The following DIDO1 variants were observed in gnomAD, a reference collection of about 807,000 sequenced individuals.
DIDO1 encodes the protein death-inducer obliterator 1.
A neutral mutation model predicts 99.4 loss-of-function variants in DIDO1; 16 were observed. The observed-to-expected ratio is 0.16, with a 90% CI of 0.11 to 0.24. The LOEUF (loss-of-function observed/expected upper bound fraction) is 0.24, where lower values mean the gene tolerates loss of function less well. Ranked by LOEUF, DIDO1 falls within the 10% of genes least tolerant of loss-of-function variation. The pLI, the probability that DIDO1 is intolerant of heterozygous loss-of-function variation, is 1.00. For synonymous variants in DIDO1, 1,366 were observed against 1,239.1 expected, an observed-to-expected ratio of 1.10 and a Z score of -2.15; for missense variants, 2,996 against 3,014.0, an observed-to-expected ratio of 0.99 and a Z score of 0.14.
At chr20:62,900,916 C>T (rs560936097) in intron 6 of DIDO1, among the ~76,000 whole-genome samples, 45 of 152,326 alleles carry the variant, frequency 3.0e-4, no homozygotes, top group Non-Finnish European at 4.9e-4. Flanking sequence ...TTCACTGTGA[C>T]GTCAGGCCTA....
upstream of DIDO1, chr20:62,928,663 G>T (rs2065292030): frequency 6.6e-6 from 1 of 152,188 alleles, no homozygotes; most frequent in African/African-American, 2.4e-5. Context: ...AAAACCCAAA[G>T]GAGGAAACAA....
At chr20:62,900,548 G>A (rs182684660) in intron 6 of DIDO1, among the ~76,000 whole-genome samples, 4 of 152,228 alleles carry the variant, frequency 2.6e-5, no homozygotes, top group Non-Finnish European at 5.9e-5. Context: ...AGTTTTAGCA[G>A]GACAGGGATT....
chr20:62,883,217 C>A (rs941074254), intron 15 of DIDO1, among the ~76,000 whole-genome samples: 3 of 151,946 alleles, frequency 2.0e-5, no homozygotes, highest in Admixed American at 2.0e-4. Flanking sequence ...AGCCACCGCA[C>A]CCGGACCCCT....
Position 62,894,073 on chromosome 20 carries a change from T to C in DIDO1, c.2694A>G (p.Ser898=). The stretch of plus-strand genomic sequence containing the variant: ...CAGCCTCCGGCATCACCTCATCAGC[T>C]GAATCCGGAGCTGGGTCAGGTGCAG... ...DSSAPDPAPD[S]ADEVMPEAVP... Residue 898 remains serine (S), a synonymous_variant, in exon 12 of 16, where the codon TCA becomes TCG. Transcript: ENST00000395343. The surrounding 1 kb of genome is among the most constrained non-coding windows in gnomAD (Gnocchi z 4.4). The C allele has an allele frequency of 6.2e-7, 1 of 1,614,258 alleles. No homozygotes were observed.
At chr20:62,907,044 CT>C (rs2064822472) in intron 5 of DIDO1, 102 bp downstream of exon 5, 2 of 1,232,622 alleles carry the variant, frequency 1.6e-6, no homozygotes, top group Admixed American at 3.5e-5. Flanking sequence ...GTGCGCCCCC[CT>C]ACACCTGCCA....
Position 62,893,964 on chromosome 20 carries a change from C to A in DIDO1, c.2803G>T (p.Asp935Tyr). 2 of 1,612,854 alleles carry A rather than the reference C, an allele frequency of 1.2e-6. No individual in the cohort carries two copies. The highest frequency in any genetic ancestry group is 1.7e-6 in the Non-Finnish European group (2 of 1,178,970). ...DRTYFPGPPGDGHPEPSPLED... is the reference protein window; with the variant it reads ...DRTYFPGPPGYGHPEPSPLED... Reference sequence around the variant, plus strand: ...AGCGGGGAGGGCTCGGGATGGCCATCTCCTGGAGGCCCAGGGAAATACGTT... The same window carrying A: ...AGCGGGGAGGGCTCGGGATGGCCATATCCTGGAGGCCCAGGGAAATACGTT... The change falls in exon 12 of 16, where the codon GAT becomes TAT. Residue 935 changes from aspartate (D) to tyrosine (Y), a missense_variant. Coordinates refer to ENST00000395343, the MANE Select transcript of DIDO1 (RefSeq NM_001193369.2).
intron 15 of DIDO1, among the ~76,000 whole-genome samples, chr20:62,885,990 C>G (rs576982619): frequency 2.0e-5 from 3 of 152,346 alleles, no homozygotes; most frequent in East Asian, 3.9e-4. Flanking sequence ...CCCCTCCCCT[C>G]GGCAGCTGCC....
rs761670124 is a variant in DIDO1 at position 62,880,795 on chromosome 20, CCT to C, written c.5159_5160del (p.Glu1720GlyfsTer69). On this transcript the variant is annotated frameshift_variant, in exon 16 of 16. Coordinates refer to ENST00000395343, the MANE Select transcript of DIDO1 (RefSeq NM_001193369.2). LOFTEE classifies it low-confidence loss of function (END_TRUNC). ...GGTCTGGCCTGTGGCTCTCTGTCCC[CCT>C]CTGTTTCACCTGCAGGGCTGCTGCT... ...GRSSSPAGETEGDREPQARPG... is the reference protein window; with the variant it reads ...GRSSSPAGETXGDREPQARPG... The C allele has an allele frequency of 7.4e-6, 12 of 1,612,672 alleles. No homozygotes were observed. The highest frequency in any genetic ancestry group is 1.7e-5 in the Admixed American group (1 of 60,008).
chr20:62,886,169 G>T (rs532453949), intron 15 of DIDO1, among the ~76,000 whole-genome samples: 3 of 152,220 alleles, frequency 2.0e-5, no homozygotes, highest in African/African-American at 7.2e-5. Context: ...AGCAACCAGG[G>T]GCCGGGGCTC....
At chr20:62,910,710 G>C (rs2064913035) in intron 3 of DIDO1, 64 bp downstream of exon 3, 1 of 1,539,676 alleles carries the variant, frequency 6.5e-7, no homozygotes, top group Non-Finnish European at 8.8e-7. Context: ...CCTTTAAAAT[G>C]AAAACAAATG....
Position 62,908,714 on chromosome 20 carries a change from T to C in DIDO1, c.1161+985A>G, listed in dbSNP as rs1263656841. On this transcript the variant is annotated intron_variant, in intron 4 of 15. Transcript: ENST00000395343. ...GCACAATGACAATTAAAAAAAGATG[T>C]TGGGCGTGGTGGTGTGTGCTTGTAG... 2.0e-5 allele frequency among the ~76,000 whole-genome samples: 3 copies of C among 152,024 alleles called. No individual in the cohort carries two copies. In the South Asian group the frequency reaches 6.2e-4, roughly 32 times the overall value.
Position 62,881,997 on chromosome 20 carries a change from G to C in DIDO1, c.3959C>G (p.Thr1320Ser). 5 of 1,613,554 alleles carry C rather than the reference G, an allele frequency of 3.1e-6. No individual in the cohort carries two copies. Among genetic ancestry groups the C allele is most frequent in the Non-Finnish European group, 4.2e-6 (5 of 1,180,038 alleles). ...GAATGATTTCTTCTTTCCAAAGAGA[G>C]TCTGCAGGATGTGCTCCAGCGGTGA... ...TASPLEHILQTLFGKKKSFDP... is the reference protein window; with the variant it reads ...TASPLEHILQSLFGKKKSFDP... Residue 1320 changes from threonine to serine, a missense_variant, in exon 16 of 16, where the codon ACT (threonine) becomes AGT (serine). Physicochemically the swap from Thr to Ser is moderately conservative, Grantham distance 58. Coordinates refer to ENST00000395343, the MANE Select transcript of DIDO1 (RefSeq NM_001193369.2). This position sits in a 1 kb window ranked among gnomAD's most constrained non-coding sequence, Gnocchi z 8.3.
chr20:62,879,504 C>G lies in DIDO1; in HGVS notation c.6452G>C (p.Arg2151Pro), dbSNP rs747670985. 3 of 1,597,178 alleles carry G rather than the reference C, an allele frequency of 1.9e-6. No homozygotes were observed. The highest frequency in any genetic ancestry group is 1.3e-5 in the African/African-American group (1 of 74,698). Residue 2151 changes from arginine to proline, a missense_variant, in exon 16 of 16, where the codon CGG becomes CCG. This residue lies in a region of DIDO1 where 1,562 missense variants were observed against 1,412.6 expected (regional missense o/e 1.11). Transcript: ENST00000395343. The surrounding 1 kb of genome is among the most constrained non-coding windows in gnomAD (Gnocchi z 6.3). Reference sequence around the variant, plus strand: ...TCGGTCGCGGTTGGCGCTCCTCTCCCGGTTTCTGTCCCAGTCCCGGCTGGA... The same window carrying G: ...TCGGTCGCGGTTGGCGCTCCTCTCCGGGTTTCTGTCCCAGTCCCGGCTGGA... Reference protein sequence around the residue: ...KDSSRDWDRNRERSANRDRER... With the variant: ...KDSSRDWDRNPERSANRDRER...
rs754764715 is a variant in DIDO1 at position 62,880,911 on chromosome 20, G to A, written c.5045C>T (p.Pro1682Leu). 6.2e-6 allele frequency: 10 copies of A among 1,610,890 alleles called. No individual in the cohort carries two copies. In the Admixed American group the frequency reaches 1.0e-4, roughly 16 times the overall value. The change falls in exon 16 of 16, where the codon CCT (proline) becomes CTT (leucine). Residue 1682 changes from proline to leucine, a missense_variant. Transcript: ENST00000395343. ...CGACGCGAACCCCGGGCAGGTGAAA[G>A]GGTCCCTCTCACCGTCGTGCTGCAG... ...FPLQHDGERD[P>L]FTCPGFASQD...
chr20:62,913,412 C>A (rs1369224317), intron 2 of DIDO1, among the ~76,000 whole-genome samples: 1 of 152,180 alleles, frequency 6.6e-6, no homozygotes, highest in African/African-American at 2.4e-5. Flanking sequence ...TGACCCCAGG[C>A]AAGTCACAAG....
At position 62,896,921 on chromosome 20, in the gene DIDO1, G is replaced by A; in HGVS notation, c.1664C>T (p.Ser555Phe). ...AASKKTAPPG[S>F]AVGKQPAPRN... ...AGGTGCAGGCTGCTTGCCCACCGCG[G>A]AGCCTGGAGGGGCTGTTTTCTTTGA... Residue 555 changes from serine to phenylalanine, a missense_variant, in exon 7 of 16, where the codon TCC becomes TTC. Physicochemically the swap from Ser to Phe is radical, Grantham distance 155. Coordinates refer to ENST00000395343, the MANE Select transcript of DIDO1 (RefSeq NM_001193369.2). This position sits in a 1 kb window ranked among gnomAD's most constrained non-coding sequence, Gnocchi z 4.4. The A allele has an allele frequency of 6.2e-7, 1 of 1,614,084 alleles. No individual in the cohort carries two copies. Among genetic ancestry groups the A allele is most frequent in the African/African-American group, 1.3e-5 (1 of 75,056 alleles).
chr20:62,879,853 G>T lies in DIDO1; in HGVS notation c.6103C>A (p.Gln2035Lys), dbSNP rs201592725. ...TCCTCCCAGCGGTCCTTCCGGTGCT[G>T]CGGGGGGTGGCTGGGAAGCTCCAGC... is the stretch of plus-strand genomic sequence containing the variant. ...PLLELPSHPP[Q>K]HRKDRWEEAG... The change falls in exon 16 of 16, where the codon CAG (glutamine) becomes AAG (lysine). Residue 2035 changes from glutamine (Q) to lysine (K), a missense_variant. Physicochemically the swap from Gln to Lys is moderately conservative, Grantham distance 53. Transcript: ENST00000395343. This position sits in a 1 kb window ranked among gnomAD's most constrained non-coding sequence, Gnocchi z 6.3. The T allele has an allele frequency of 1.3e-4, 201 of 1,598,114 alleles. No homozygotes were observed. The highest frequency in any genetic ancestry group is 1.6e-4 in the Non-Finnish European group (190 of 1,173,292).
chr20:62,888,882 C>T (rs777725063), intron 15 of DIDO1: 6 of 985,338 alleles, frequency 6.1e-6, no homozygotes, highest in Non-Finnish European at 7.2e-6. Flanking sequence ...GAGAAGTTAA[C>T]ATTATACTGA....
intron 6 of DIDO1, 118 bp from the exon 7 acceptor site, chr20:62,897,114 G>C: frequency 2.3e-6 from 2 of 876,144 alleles, no homozygotes; most frequent in South Asian, 3.7e-5. Flanking sequence ...TACTGAATAG[G>C]ATACACATAG....
Sources: allele counts gnomAD v4.1 joint callset (sites outside exome capture counted in the v4.1 genomes callset), GRCh38; gene constraint gnomAD v4.1.1; regional missense constraint gnomAD v4.1.1; non-coding constraint Gnocchi (gnomAD v3.1); transcripts MANE v1.5; gene names NCBI Gene and HGNC (gene_info 2026-07-23, HGNC 2026-07-21).